The following RAD51B variants were observed in gnomAD, a reference collection of about 807,000 sequenced individuals.
RAD51B encodes the protein DNA repair protein RAD51 homolog 2.
Under a neutral mutation model 42.2 loss-of-function variants are expected in RAD51B, and 38 were observed. The ratio of observed to expected loss-of-function variants is 0.90; its 90% CI spans 0.70 to 1.18. The LOEUF is 1.18. RAD51B is among the 50% of genes most tolerant of loss of function. The probability of loss-of-function intolerance (pLI) is 0.00; values close to 1 mark genes in which losing one functional copy is unlikely to be tolerated. For missense variants in RAD51B, 373 were observed against 400.7 expected (o/e 0.93, Z 0.59); for synonymous variants, 154 against 145.2 (o/e 1.06, Z -0.43).
chr14:68,268,521 C>A (rs1243025253), intron 7 of RAD51B, among the ~76,000 whole-genome samples: 2 of 152,152 alleles, frequency 1.3e-5, no homozygotes, highest in African/African-American at 4.8e-5. Flanking sequence ...GGATTCCTGG[C>A]AAAATGTCTG....
rs1453160075 is a variant in RAD51B at position 67,819,843 on chromosome 14, CTGCAGACCCGGTACTGG to C, written c.-12_-3+7del. The C allele has an allele frequency of 6.6e-6, 1 of 152,148 alleles. No individual in the cohort carries two copies. The highest frequency in any genetic ancestry group is 1.5e-5 in the Non-Finnish European group (1 of 68,080). 9.4% of individuals were successfully genotyped at this position (152,148 alleles called of 1,614,324 possible). A position where few individuals can be genotyped will look rare whatever the true frequency, so the allele number is the denominator to read the frequency against. On this transcript the variant is annotated splice_donor_variant and splice_donor_5th_base_variant and 5_prime_UTR_variant and intron_variant, in exon 1 of 11. Transcript: ENST00000471583. LOFTEE classifies it low-confidence loss of function (5UTR_SPLICE). The stretch of plus-strand genomic sequence containing the variant: ...GGTGGGGAAACTTGAAAGTTGGATG[CTGCAGACCCGGTACTGG>C]AAAGTTTCATGTGGGGTGCCGTTGT...
At chr14:67,914,657 T>C (rs2044092499) in intron 7 of RAD51B, among the ~76,000 whole-genome samples, 1 of 152,258 alleles carries the variant, frequency 6.6e-6, no homozygotes, top group Non-Finnish European at 1.5e-5. Flanking sequence ...AAGACACTCA[T>C]GTTTTCTGCA....
chr14:68,580,358 C>T (rs1890158175), intron 10 of RAD51B, among the ~76,000 whole-genome samples: 1 of 150,492 alleles, frequency 6.6e-6, no homozygotes, highest in Admixed American at 6.6e-5. Context: ...GGAGGTCCAT[C>T]CTACCTTTGA....
intron 7 of RAD51B, among the ~76,000 whole-genome samples, chr14:67,913,439 C>T (rs541488520): frequency 3.9e-5 from 6 of 152,190 alleles, no homozygotes; most frequent in African/African-American, 1.4e-4. Context: ...AAACTATTTT[C>T]GTAGTTAGAC....
At chr14:68,082,658 C>CT (rs1352222243) in intron 7 of RAD51B, among the ~76,000 whole-genome samples, 4 of 151,926 alleles carry the variant, frequency 2.6e-5, no homozygotes, top group Non-Finnish European at 4.4e-5. Flanking sequence ...TAAAATGCTG[C>CT]TTTTTTCTTT....
intron 7 of RAD51B, among the ~76,000 whole-genome samples, chr14:67,996,700 G>T (rs895189066): frequency 3.3e-5 from 5 of 152,160 alleles, no homozygotes; most frequent in African/African-American, 1.2e-4. Flanking sequence ...GTTTTGTGAG[G>T]CACTGAATGG....
chr14:68,622,099 T>G lies in RAD51B; in HGVS notation c.1037-28682T>G, dbSNP rs570800748. Among the ~76,000 whole-genome samples, 7 of 152,280 alleles carry G rather than the reference T, an allele frequency of 4.6e-5. No homozygotes were observed. The South Asian group carries it at 1.2e-3, about 27-fold the overall frequency. ...TCTAACCTGGCCTCCATTCCTGAGC[T>G]CCAGTTACCCTGTTACCATCCAGCC... On this transcript the variant is annotated intron_variant, in intron 10 of 11. Transcript: ENST00000488612.
chr14:68,149,537 T>A (rs955882498), intron 7 of RAD51B: 2 of 152,250 alleles, frequency 1.3e-5, no homozygotes, highest in African/African-American at 4.8e-5. Context: ...TTTGTTCTAT[T>A]TATCTAGTTA....
At chr14:68,371,696 A>G (rs1823994267) in intron 8 of RAD51B, among the ~76,000 whole-genome samples, 1 of 151,990 alleles carries the variant, frequency 6.6e-6, no homozygotes, top group Non-Finnish European at 1.5e-5. Context: ...AAAAAAATAA[A>G]CAAAATTAAC....
chr14:68,261,083 CT>C (rs1197260551), intron 7 of RAD51B, among the ~76,000 whole-genome samples: 3 of 152,216 alleles, frequency 2.0e-5, no homozygotes, highest in Admixed American at 6.5e-5. Context: ...CCTTCAAAGA[CT>C]TTAGGGCAAT....
chr14:68,296,854 G>T (rs540649454), intron 8 of RAD51B, among the ~76,000 whole-genome samples: 1 of 152,270 alleles, frequency 6.6e-6, no homozygotes, highest in Non-Finnish European at 1.5e-5. Flanking sequence ...TGCATTACTT[G>T]TTTTCCGATA....
intron 7 of RAD51B, among the ~76,000 whole-genome samples, chr14:67,897,529 G>A (rs2043461812): frequency 6.6e-6 from 1 of 152,002 alleles, no homozygotes; most frequent in Non-Finnish European, 1.5e-5. Context: ...CTAATCATAA[G>A]GGAAATGGAA....
intron 7 of RAD51B, among the ~76,000 whole-genome samples, chr14:67,949,355 C>T (rs2074399573): frequency 6.6e-6 from 1 of 152,176 alleles, no homozygotes; most frequent in Non-Finnish European, 1.5e-5. Flanking sequence ...ATGTTATTAG[C>T]ATCATCACCC....
chr14:68,300,898 G>T (rs1484884639), intron 8 of RAD51B, among the ~76,000 whole-genome samples: 1 of 152,196 alleles, frequency 6.6e-6, no homozygotes. Context: ...GAAGACAAGA[G>T]GGCAGCTGGA....
Position 68,208,528 on chromosome 14 carries a change from A to G in RAD51B, c.757-83356A>G, listed in dbSNP as rs144876035. On this transcript the variant is annotated intron_variant, in intron 7 of 10. Transcript: ENST00000471583. ...CTTCTGATGTATCAACTTGTTTTCT[A>G]TGCAGTATATAAACAATAAAGGGTT... Among the ~76,000 whole-genome samples, 108 of 152,346 alleles carry G rather than the reference A, an allele frequency of 7.1e-4. 1 individual carries two copies. Among genetic ancestry groups the G allele is most frequent in the African/African-American group, 2.3e-3 (97 of 41,582 alleles).
intron 11 of RAD51B, among the ~76,000 whole-genome samples, chr14:68,672,348 C>T (rs756336651): frequency 7.9e-5 from 12 of 152,204 alleles, no homozygotes; most frequent in Non-Finnish European, 1.6e-4. Flanking sequence ...CTTAAAATGA[C>T]ATTTGCCATT....
chr14:67,865,399 G>A (rs2042305340), intron 5 of RAD51B, among the ~76,000 whole-genome samples: 1 of 151,488 alleles, frequency 6.6e-6, no homozygotes, highest in African/African-American at 2.4e-5. Context: ...ACCACACCTG[G>A]CTAATTATTC....
chr14:67,962,577 G>A (rs2074692260), intron 7 of RAD51B, among the ~76,000 whole-genome samples: 2 of 152,070 alleles, frequency 1.3e-5, no homozygotes, highest in Non-Finnish European at 2.9e-5. Flanking sequence ...AAGAAATTAC[G>A]GCCCAAGAAC....
At chr14:68,460,040 C>T (rs1173556220) in intron 9 of RAD51B, among the ~76,000 whole-genome samples, 1 of 152,204 alleles carries the variant, frequency 6.6e-6, no homozygotes, top group East Asian at 1.9e-4. Context: ...TACCCTCAGC[C>T]TCATGGCCGC....
Sources: allele counts gnomAD v4.1 joint callset (sites outside exome capture counted in the v4.1 genomes callset), GRCh38; gene constraint gnomAD v4.1.1; transcripts MANE v1.5; gene names NCBI Gene and HGNC (gene_info 2026-07-23, HGNC 2026-07-21).